Variants in BIRC6 observed in about 807,000 individuals in gnomAD.
BIRC6 encodes the protein dual E2 ubiquitin-conjugating enzyme/E3 ubiquitin-protein ligase BIRC6.
In BIRC6, 98 loss-of-function variants were observed where a neutral mutation model predicts 503.3. The ratio of observed to expected loss-of-function variants is 0.19; its 90% CI spans 0.17 to 0.23. BIRC6 has a LOEUF of 0.23. Ranked by LOEUF, BIRC6 falls within the 10% of genes least tolerant of loss-of-function variation. BIRC6 has a pLI of 1.00. For missense variants in BIRC6, 5,360 were observed against 5,806.0 expected, an observed-to-expected ratio of 0.92 and a Z score of 2.50; for synonymous variants, 2,240 against 2,078.7, an observed-to-expected ratio of 1.08 and a Z score of -2.11.
intron 16 of BIRC6, among the ~76,000 whole-genome samples, chr2:32,440,327 C>T (rs1464635519): frequency 6.6e-6 from 1 of 152,144 alleles, no homozygotes; most frequent in Non-Finnish European, 1.5e-5. Flanking sequence ...CTGTTGGCAA[C>T]TCACAATCTT....
At chr2:32,586,496 G>A (rs898813719) in intron 66 of BIRC6, among the ~76,000 whole-genome samples, 2 of 133,730 alleles carry the variant, frequency 1.5e-5, no homozygotes, top group African/African-American at 5.8e-5. Context: ...GCACTATATC[G>A]GCTCACTGCA....
chr2:32,458,011 T>C (rs1299791829), intron 23 of BIRC6, among the ~76,000 whole-genome samples: 2 of 152,194 alleles, frequency 1.3e-5, no homozygotes, highest in African/African-American at 4.8e-5. Flanking sequence ...TGCAGTGTCA[T>C]CTGATTTTCA....
At chr2:32,563,746 A>G (rs961481884) in intron 65 of BIRC6, 6 of 152,102 alleles carry the variant, frequency 3.9e-5, no homozygotes, top group African/African-American at 1.4e-4. Flanking sequence ...CTGTTACCAA[A>G]GTGAATTTGA....
chr2:32,502,430 C>T (rs2053305062), intron 47 of BIRC6, among the ~76,000 whole-genome samples: 1 of 151,996 alleles, frequency 6.6e-6, no homozygotes, highest in South Asian at 2.1e-4. Flanking sequence ...TTTCTTATGT[C>T]TTTTATATAG....
At chr2:32,359,012 T>TA (rs1308510743) in intron 1 of BIRC6, among the ~76,000 whole-genome samples, 4 of 152,164 alleles carry the variant, frequency 2.6e-5, no homozygotes, top group African/African-American at 9.7e-5. Context: ...GAAGAGTAAT[T>TA]ACAGTGAACA....
intron 64 of BIRC6, chr2:32,548,830 T>C (rs970087419): frequency 2.0e-5 from 3 of 152,220 alleles, no homozygotes; most frequent in Non-Finnish European, 4.4e-5. Context: ...TCAGGCAAGT[T>C]GGACAAGAAT....
chr2:32,453,905 A>C lies in BIRC6; in HGVS notation c.4716A>C (p.Ser1572=), dbSNP rs1017869444. 6.2e-7 allele frequency: 1 copy of C among 1,613,434 alleles called. No homozygotes were observed. The highest frequency in any genetic ancestry group is 1.3e-5 in the African/African-American group (1 of 74,906). Residue 1572 remains serine, a synonymous_variant, in exon 23 of 74, where the codon TCA becomes TCC. Coordinates refer to ENST00000421745, the MANE Select transcript of BIRC6 (RefSeq NM_016252.4). ...EVEPLHFTCV[S]TSDGTRIERD... ...AACCTCTGCACTTTACTTGTGTGTC[A>C]ACTAGTGATGGAACCAGAATAGAAA...
chr2:32,419,157 A>T (rs2042683221), intron 10 of BIRC6, among the ~76,000 whole-genome samples: 1 of 152,216 alleles, frequency 6.6e-6, no homozygotes, highest in Non-Finnish European at 1.5e-5. Context: ...AAAAGATAAT[A>T]ACAAAGCGGA....
At chr2:32,428,118 T>C (rs1344518359) in intron 10 of BIRC6, among the ~76,000 whole-genome samples, 1 of 152,230 alleles carries the variant, frequency 6.6e-6, no homozygotes, top group East Asian at 1.9e-4. Context: ...TGTGCTCAAG[T>C]GTGCCCTGGC....
At chr2:32,483,098 A>G (rs1052796767) in intron 39 of BIRC6, among the ~76,000 whole-genome samples, 3 of 6,360 alleles carry the variant, frequency 4.7e-4, no homozygotes, top group Non-Finnish European at 8.1e-4. Flanking sequence ...TTGTATTTTT[A>G]GTAGAGACAG....
intron 23 of BIRC6, among the ~76,000 whole-genome samples, chr2:32,461,659 G>A (rs922169326): frequency 1.3e-5 from 2 of 151,116 alleles, no homozygotes; most frequent in African/African-American, 4.9e-5. Context: ...TTGGTATATT[G>A]TTTATTTTAG....
At chr2:32,494,642 C>T (rs951957689) in intron 45 of BIRC6, among the ~76,000 whole-genome samples, 3 of 151,966 alleles carry the variant, frequency 2.0e-5, no homozygotes, top group African/African-American at 7.2e-5. Flanking sequence ...TGGCTCACGC[C>T]TGTAATCCCG....
At chr2:32,524,562 TTGA>T (rs1197209265) in intron 57 of BIRC6, among the ~76,000 whole-genome samples, 3 of 152,234 alleles carry the variant, frequency 2.0e-5, no homozygotes, top group Non-Finnish European at 4.4e-5. Flanking sequence ...GCCAAGCACA[TTGA>T]ACTATGGCTA....
intron 73 of BIRC6, among the ~76,000 whole-genome samples, chr2:32,613,325 C>T (rs1427782866): frequency 6.6e-6 from 1 of 151,946 alleles, no homozygotes; most frequent in Non-Finnish European, 1.5e-5. Flanking sequence ...GCTGGGATTA[C>T]AGGCATCTGC....
intron 65 of BIRC6, among the ~76,000 whole-genome samples, chr2:32,551,213 CAT>C (rs1429043426): frequency 4.0e-5 from 6 of 150,878 alleles, no homozygotes; most frequent in African/African-American, 1.5e-4. Context: ...ATTAAGTAAA[CAT>C]AAATATAAAT....
intron 65 of BIRC6, chr2:32,566,117 A>T (rs964822647): frequency 6.6e-6 from 1 of 152,142 alleles, no homozygotes; most frequent in Non-Finnish European, 1.5e-5. Context: ...CATATAACCC[A>T]TTTTTATACC....
intron 57 of BIRC6, among the ~76,000 whole-genome samples, chr2:32,520,226 A>T (rs1394930842): frequency 1.3e-5 from 2 of 152,208 alleles, no homozygotes; most frequent in African/African-American, 4.8e-5. Context: ...CCACACATAG[A>T]TGGTAAGTGA....
At chr2:32,602,480 A>G (rs557577847) in intron 70 of BIRC6, 1 of 152,390 alleles carries the variant, frequency 6.6e-6, no homozygotes, top group South Asian at 2.1e-4. Context: ...TGGATACACA[A>G]TTACAACTAG....
chr2:32,375,743 C>CTCTTT (rs1432305814), intron 1 of BIRC6, among the ~76,000 whole-genome samples: 3 of 138,380 alleles, frequency 2.2e-5, no homozygotes, highest in Admixed American at 7.2e-5. Context: ...CTTTCTCTCT[C>CTCTTT]TTTTTTTTTT....
Sources: allele counts gnomAD v4.1 joint callset (sites outside exome capture counted in the v4.1 genomes callset), GRCh38; gene constraint gnomAD v4.1.1; transcripts MANE v1.5; gene names NCBI Gene and HGNC (gene_info 2026-07-23, HGNC 2026-07-21).